Variants in FER1L6 observed in about 807,000 individuals in gnomAD.
FER1L6 encodes fer-1 like family member 6.
Under a neutral mutation model 219.2 loss-of-function variants are expected in FER1L6, and 177 were observed. That is an observed-to-expected ratio of 0.81 (90% CI 0.71 to 0.91). The LOEUF (loss-of-function observed/expected upper bound fraction) is 0.91, where lower values mean the gene tolerates loss of function less well. FER1L6 is among the 40% of genes least tolerant of loss of function. The pLI, the probability that FER1L6 is intolerant of heterozygous loss-of-function variation, is 0.00. For missense variants in FER1L6, 2,153 were observed against 2,259.9 expected (o/e 0.95, Z 0.96); for synonymous variants, 768 against 824.3 (o/e 0.93, Z 1.17).
At position 123,980,670 on chromosome 8, in the gene FER1L6, G is replaced by A. The variant is rs765815577; in HGVS notation, c.1269G>A (p.Lys423=). Residue 423 remains lysine (K), a synonymous_variant, in exon 11 of 41, where the codon AAG becomes AAA. Coordinates refer to ENST00000522917, the MANE Select transcript of FER1L6 (RefSeq NM_001039112.2). ...TTTCCAAGGCCCTGAAGGAGCTCAAGTTGCCTTCCAAGGACAAAGACTCCA... is the reference window on the plus strand; with the variant it reads ...TTTCCAAGGCCCTGAAGGAGCTCAAATTGCCTTCCAAGGACAAAGACTCCA... ...SKFSKALKEL[K]LPSKDKDSKS... The A allele has an allele frequency of 6.2e-7, 1 of 1,614,160 alleles. No homozygotes were observed.
chr8:123,988,274 T>C (rs1213823701), intron 12 of FER1L6, among the ~76,000 whole-genome samples: 1 of 152,246 alleles, frequency 6.6e-6, no homozygotes, highest in Non-Finnish European at 1.5e-5. Flanking sequence ...CCTCCAGTTT[T>C]GTTCTTTTTG....
In FER1L6 at chr8:123,970,056, G is replaced by A. The variant is rs763943352; in HGVS notation, c.406G>A (p.Gly136Arg). The A allele has an allele frequency of 1.2e-6, 2 of 1,613,832 alleles. No individual in the cohort carries two copies. Among genetic ancestry groups the A allele is most frequent in the Non-Finnish European group, 1.7e-6 (2 of 1,179,940 alleles). The change falls in exon 6 of 41, where the codon GGG becomes AGG. Residue 136 changes from glycine to arginine, a missense_variant. By Grantham distance (125) the Gly-to-Arg change is moderately radical. Coordinates refer to ENST00000522917, the MANE Select transcript of FER1L6 (RefSeq NM_001039112.2). ...GCAGTACTTTGTCTTCGACTTCATT[G>A]GGCCCCAAGTGCATCTTTTTGACAA... is the stretch of plus-strand genomic sequence containing the variant. ...YNEYFVFDFI[G>R]PQVHLFDKII...
intron 1 of FER1L6, among the ~76,000 whole-genome samples, chr8:123,916,961 G>C (rs1813208913): frequency 6.6e-6 from 1 of 152,184 alleles, no homozygotes. Flanking sequence ...CAGTGATGCT[G>C]AGGTATTTCC....
rs757531176 is a variant in FER1L6 at position 124,076,214 on chromosome 8, C to T, written c.4109C>T (p.Pro1370Leu). 9.9e-6 allele frequency: 16 copies of T among 1,613,780 alleles called. 1 individual carries two copies. In the South Asian group the frequency reaches 1.6e-4, roughly 17 times the overall value. The change falls in exon 32 of 41, where the codon CCA becomes CTA. Residue 1370 changes from proline (P) to leucine (L), a missense_variant. By Grantham distance (98) the Pro-to-Leu change is moderately conservative. Transcript: ENST00000522917. The part of the protein sequence containing the change: ...VYIVAAFNLS[P>L]ADPDGKSDPY... ...CCTTTCCAGGCATTTAATCTTAGTC[C>T]AGCTGATCCAGATGGCAAATCAGAT...
chr8:123,974,680 A>AAAG (rs1563718511), intron 7 of FER1L6, among the ~76,000 whole-genome samples: 58 of 148,586 alleles, frequency 3.9e-4, no homozygotes, highest in Middle Eastern at 3.4e-3. Flanking sequence ...AAAAAAAAAA[A>AAAG]AAGAAATGTG....
intron 12 of FER1L6, among the ~76,000 whole-genome samples, chr8:123,995,806 A>G (rs905662436): frequency 2.6e-5 from 4 of 152,084 alleles, no homozygotes; most frequent in Non-Finnish European, 5.9e-5. Flanking sequence ...GCTTATTGCT[A>G]TAAACATTCC....
chr8:124,013,119 T>C (rs1818018216), intron 14 of FER1L6, among the ~76,000 whole-genome samples: 1 of 152,242 alleles, frequency 6.6e-6, no homozygotes, highest in Non-Finnish European at 1.5e-5. Context: ...TTTCCCACGT[T>C]ATTAGGTTTC....
Position 123,977,432 on chromosome 8 carries a change from CAGA to C in FER1L6, c.891_893del (p.Lys297del), listed in dbSNP as rs766955527. The C allele has an allele frequency of 1.2e-5, 20 of 1,613,756 alleles. No homozygotes were observed. Among genetic ancestry groups the C allele is most frequent in the East Asian group, 8.9e-5 (4 of 44,864 alleles). On this transcript the variant is annotated inframe_deletion, in exon 10 of 41. Transcript: ENST00000522917. ...GTGTTTTTAGGGGCGAACCACAGTG[CAGA>C]AGAACTGTGCTGATCCTGTGTGGCA...
At chr8:124,114,905 A>G (rs924786567) in intron 39 of FER1L6, among the ~76,000 whole-genome samples, 54 of 125,872 alleles carry the variant, frequency 4.3e-4, no homozygotes, top group African/African-American at 1.9e-3. Context: ...GTATATATAT[A>G]TATATATATA....
chr8:123,895,076 C>T (rs1812722179), intron 1 of FER1L6, among the ~76,000 whole-genome samples: 1 of 152,144 alleles, frequency 6.6e-6, no homozygotes, highest in African/African-American at 2.4e-5. Flanking sequence ...AGATTGTATG[C>T]CAACTGATAG....
intron 37 of FER1L6, among the ~76,000 whole-genome samples, chr8:124,098,635 A>C (rs1006998152): frequency 3.3e-5 from 5 of 152,218 alleles, no homozygotes; most frequent in Admixed American, 1.3e-4. Context: ...AAAATGAATA[A>C]GATTTTAACA....
intron 18 of FER1L6, among the ~76,000 whole-genome samples, chr8:124,024,305 G>A (rs1484536884): frequency 6.6e-6 from 1 of 151,930 alleles, no homozygotes; most frequent in Non-Finnish European, 1.5e-5. Context: ...TGTCACCTGA[G>A]TAGTGTACAA....
chr8:123,944,461 A>G (rs969601875), intron 1 of FER1L6, among the ~76,000 whole-genome samples: 9 of 151,866 alleles, frequency 5.9e-5, no homozygotes, highest in Middle Eastern at 3.2e-3. Context: ...TAGCTGGGTA[A>G]CTGAGCAAGT....
chr8:124,015,721 C>T (rs56787946), intron 15 of FER1L6, among the ~76,000 whole-genome samples: 3,373 of 151,142 alleles, frequency 0.022, 127 homozygotes, highest in African/African-American at 0.077. Flanking sequence ...AAATTAAAAG[C>T]TCAATAACTT....
At chr8:123,991,895 GT>G (rs554472036) in intron 12 of FER1L6, among the ~76,000 whole-genome samples, 4 of 150,996 alleles carry the variant, frequency 2.6e-5, no homozygotes, top group Non-Finnish European at 4.4e-5. Context: ...TTTTTTGAGG[GT>G]TTTTTTTTAA....
chr8:123,889,244 T>A (rs1346553718), intron 1 of FER1L6, among the ~76,000 whole-genome samples: 1 of 152,200 alleles, frequency 6.6e-6, no homozygotes, highest in Non-Finnish European at 1.5e-5. Context: ...GTTTCTTAAT[T>A]AGATGAATAC....
Position 124,082,454 on chromosome 8 carries a change from G to C in FER1L6, c.4387G>C (p.Glu1463Gln). ...CATCTGTGGCTTGCAGAGCCAGTAT[G>C]AGATGTAAGTTCTTTCTCCCCGGGA... is the stretch of plus-strand genomic sequence containing the variant. ...RAICGLQSQY[E>Q]IEGYNAWRDT... is the part of the protein sequence containing the mutation. Residue 1463 changes from glutamate (E) to glutamine (Q), a missense_variant, in exon 33 of 41, where the codon GAG (glutamate) becomes CAG (glutamine). Transcript: ENST00000522917. 1 of 1,613,524 alleles carries C rather than the reference G, an allele frequency of 6.2e-7. No homozygotes were observed. The highest frequency in any genetic ancestry group is 1.1e-5 in the South Asian group (1 of 90,972).
intron 1 of FER1L6, among the ~76,000 whole-genome samples, chr8:123,856,241 A>G (rs1419160357): frequency 4.4e-5 from 3 of 67,458 alleles, no homozygotes; most frequent in Non-Finnish European, 7.7e-5. Flanking sequence ...ATGTATATAC[A>G]TGTGTATGAG....
intron 40 of FER1L6, 128 bp downstream of exon 40, chr8:124,119,072 T>TGG: frequency 1.4e-6 from 1 of 718,712 alleles, no homozygotes. Flanking sequence ...GGCAGTCAAT[T>TGG]GGTGCTTTCC....
Sources: gnomAD v4.1 joint callset for allele counts (sites outside exome capture counted in the v4.1 genomes callset) on GRCh38, gnomAD v4.1.1 for gene constraint, MANE v1.5 for transcripts, NCBI Gene and HGNC (gene_info 2026-07-23, HGNC 2026-07-21) for gene names.